Variants in CYSLTR2 observed in about 807,000 individuals in gnomAD.
CYSLTR2 encodes the protein G-protein coupled receptor GPCR21.
For missense variants in CYSLTR2, 398 were observed against 411.9 expected (o/e 0.97, Z 0.29); for synonymous variants, 179 against 160.8 (o/e 1.11, Z -0.86).
At chr13:48,675,283 G>A (rs1474255706) in intron 1 of CYSLTR2, among the ~76,000 whole-genome samples, 1 of 152,216 alleles carries the variant, frequency 6.6e-6, no homozygotes, top group Non-Finnish European at 1.5e-5. Flanking sequence ...AGAGATGGGA[G>A]CTTTATCTAT....
chr13:48,654,251 TTG>T (rs372575519), intron 1 of CYSLTR2, among the ~76,000 whole-genome samples: 6,780 of 129,056 alleles, frequency 0.053, 97 homozygotes, highest in Middle Eastern at 0.12. Context: ...GATCGTCCCT[TTG>T]TGTGTGTGTG....
intron 1 of CYSLTR2, among the ~76,000 whole-genome samples, chr13:48,677,600 G>A (rs1402049060): frequency 6.6e-6 from 1 of 152,088 alleles, no homozygotes; most frequent in Non-Finnish European, 1.5e-5. Flanking sequence ...ATGAACCGAG[G>A]AAGAAACTAA....
chr13:48,702,357 A>G (rs1190224472), intron 4 of CYSLTR2, among the ~76,000 whole-genome samples: 1 of 152,172 alleles, frequency 6.6e-6, no homozygotes, highest in Non-Finnish European at 1.5e-5. Context: ...ATGTATACAT[A>G]TGTAACAAAA....
At chr13:48,693,076 T>G (rs1483911234) in intron 2 of CYSLTR2, among the ~76,000 whole-genome samples, 1 of 151,672 alleles carries the variant, frequency 6.6e-6, no homozygotes, top group Non-Finnish European at 1.5e-5. Flanking sequence ...ATAAAGGCAT[T>G]TATTATTATC....
rs533436849 is a variant in CYSLTR2, at chr13:48,705,617, A to G, written c.-1-1200A>G. Among the ~76,000 whole-genome samples the G allele has an allele frequency of 2.0e-5, 3 of 148,446 alleles. 1 individual carries two copies. The highest frequency in any genetic ancestry group is 4.2e-4 in the South Asian group (2 of 4,772). ...CTCTCTATATATATAATATATATGT[A>G]TATAAAGATATACATATATATATAT... On this transcript the variant is annotated intron_variant, in intron 4 of 4. Coordinates refer to ENST00000682523, the MANE Select transcript of CYSLTR2 (RefSeq NM_001308476.3).
intron 4 of CYSLTR2, among the ~76,000 whole-genome samples, chr13:48,704,557 G>A (rs1262628599): frequency 1.4e-5 from 2 of 145,856 alleles, no homozygotes; most frequent in Non-Finnish European, 3.0e-5. Context: ...TTCTTATTTC[G>A]TGACTTTTCC....
chr13:48,662,202 G>T (rs1953147427), intron 1 of CYSLTR2, among the ~76,000 whole-genome samples: 1 of 152,052 alleles, frequency 6.6e-6, no homozygotes, highest in East Asian at 1.9e-4. Flanking sequence ...CCATTTTATG[G>T]CTGAATAGTA....
At chr13:48,704,395 C>A (rs771545650) in intron 4 of CYSLTR2, among the ~76,000 whole-genome samples, 38 of 152,198 alleles carry the variant, frequency 2.5e-4, no homozygotes, top group South Asian at 6.2e-4. Context: ...GTGGCATGCA[C>A]CTGCAATCGA....
At chr13:48,666,562 C>T (rs370597032) in intron 1 of CYSLTR2, among the ~76,000 whole-genome samples, 4 of 152,060 alleles carry the variant, frequency 2.6e-5, no homozygotes, top group Non-Finnish European at 5.9e-5. Flanking sequence ...GAACTGTGTC[C>T]GATAAATCCT....
chr13:48,709,651 T>C lies in CYSLTR2; in HGVS notation c.*1793T>C, dbSNP rs1490779888. ...TATGAAAAGTAGTCAATGAACACAA[T>C]ACATTTGAGGGAAAGGCCGTAACAT... On this transcript the variant is annotated 3_prime_UTR_variant, in exon 5 of 5. Transcript: ENST00000682523. The C allele has an allele frequency of 6.6e-6, 1 of 152,076 alleles. No individual in the cohort carries two copies. Among genetic ancestry groups the C allele is most frequent in the Non-Finnish European group, 1.5e-5 (1 of 68,016 alleles). The allele number at this position is 152,076 out of a possible 1,614,324, so 9.4% of individuals were successfully genotyped here. A position where few individuals can be genotyped will look rare whatever the true frequency, so the allele number is the denominator to read the frequency against.
intron 1 of CYSLTR2, among the ~76,000 whole-genome samples, chr13:48,686,254 C>G (rs749588174): frequency 2.0e-5 from 3 of 152,160 alleles, no homozygotes; most frequent in African/African-American, 4.8e-5. Context: ...TTTACCATAC[C>G]TCTTTTATTC....
intron 1 of CYSLTR2, among the ~76,000 whole-genome samples, chr13:48,668,822 A>G (rs1953339700): frequency 6.6e-6 from 1 of 151,914 alleles, no homozygotes; most frequent in Non-Finnish European, 1.5e-5. Flanking sequence ...ATGTGTTCCC[A>G]TTGTTCAACT....
chr13:48,657,534 A>T (rs1014083984), intron 1 of CYSLTR2, among the ~76,000 whole-genome samples: 13 of 151,904 alleles, frequency 8.6e-5, no homozygotes, highest in Admixed American at 8.5e-4. Context: ...GAGATGGAAA[A>T]GGAGAGAGGA....
intron 1 of CYSLTR2, among the ~76,000 whole-genome samples, chr13:48,676,461 T>C (rs1041854421): frequency 6.6e-6 from 1 of 152,226 alleles, no homozygotes; most frequent in Non-Finnish European, 1.5e-5. Flanking sequence ...TGCTATGGTT[T>C]CTAGGCATCA....
chr13:48,661,204 A>G (rs545394466), intron 1 of CYSLTR2, among the ~76,000 whole-genome samples: 5 of 151,746 alleles, frequency 3.3e-5, no homozygotes, highest in African/African-American at 1.2e-4. Flanking sequence ...TTCCTGCCTC[A>G]GCCTCCCAAA....
At chr13:48,666,966 C>T (rs896980681) in intron 1 of CYSLTR2, among the ~76,000 whole-genome samples, 14 of 152,082 alleles carry the variant, frequency 9.2e-5, no homozygotes, top group Admixed American at 5.2e-4. Context: ...TGTTTCCATG[C>T]TTTTAAATAT....
chr13:48,690,192 C>A (rs1308444310), intron 1 of CYSLTR2, among the ~76,000 whole-genome samples: 2 of 152,146 alleles, frequency 1.3e-5, no homozygotes, highest in African/African-American at 2.4e-5. Flanking sequence ...GTCATGTCAT[C>A]TGCAAACACA....
At position 48,685,960 on chromosome 13, in the gene CYSLTR2, G is replaced by A. The variant is rs118051433; in HGVS notation, c.-265-5252G>A. ...TTCAAAATGTACTGTGACTCTCCAA[G>A]AGGGGCGTATTAGAGCTTGCCATGT... is the stretch of plus-strand genomic sequence containing the variant. On this transcript the variant is annotated intron_variant, in intron 1 of 4. Transcript: ENST00000682523. Among the ~76,000 whole-genome samples, 669 of 152,314 alleles carry A rather than the reference G, an allele frequency of 4.4e-3. 3 individuals are homozygous for A. The highest frequency in any genetic ancestry group is 0.014 in the Middle Eastern group (4 of 294).
chr13:48,698,721 A>G (rs1954260624), intron 4 of CYSLTR2, among the ~76,000 whole-genome samples: 1 of 152,218 alleles, frequency 6.6e-6, no homozygotes, highest in East Asian at 1.9e-4. Flanking sequence ...AAAGACACAG[A>G]CTGGCAAATC....
Sources: allele counts gnomAD v4.1 joint callset (sites outside exome capture counted in the v4.1 genomes callset), GRCh38; gene constraint gnomAD v4.1.1; transcripts MANE v1.5; gene names NCBI Gene and HGNC (gene_info 2026-07-23, HGNC 2026-07-21).